Variants in CDK14 observed in about 807,000 individuals in gnomAD.
CDK14 encodes the protein cyclin-dependent kinase 14.
CDK14 carries 34 observed loss-of-function variants against 60.7 expected under a neutral mutation model. That is an observed-to-expected ratio of 0.56 (90% CI 0.43 to 0.75). CDK14 has a LOEUF of 0.75. CDK14 is among the 30% of genes least tolerant of loss of function. The probability of loss-of-function intolerance (pLI) is 0.00; values close to 1 mark genes in which losing one functional copy is unlikely to be tolerated. For synonymous variants in CDK14, 197 were observed against 203.7 expected, an observed-to-expected ratio of 0.97 and a Z score of 0.28; for missense variants, 482 against 564.1, an observed-to-expected ratio of 0.85 and a Z score of 1.47.
chr7:91,008,158 A>AAAAAAAAAAAAAG (rs1796045745), intron 10 of CDK14, among the ~76,000 whole-genome samples: 1 of 150,662 alleles, frequency 6.6e-6, no homozygotes, highest in African/African-American at 2.4e-5. Flanking sequence ...AACAAAAAAA[A>AAAAAAAAAAAAAG]ACAGTGGATG....
At position 90,959,821 on chromosome 7, in the gene CDK14, A is replaced by C. The variant is rs10242975; in HGVS notation, c.947+4004A>C. 4.5e-3 allele frequency among the ~76,000 whole-genome samples: 683 copies of C among 152,308 alleles called. 3 individuals carry two copies. Among genetic ancestry groups the C allele is most frequent in the African/African-American group, 0.016 (651 of 41,592 alleles). On this transcript the variant is annotated intron_variant, in intron 9 of 14. Transcript: ENST00000380050. Reference sequence around the variant, plus strand: ...ACAACCCTGTGTGATTTGGGAACTCATCAAGATAGATAGTTTTTGATACTT... The same window carrying C: ...ACAACCCTGTGTGATTTGGGAACTCCTCAAGATAGATAGTTTTTGATACTT...
At chr7:90,872,972 A>G (rs1791422840) in intron 6 of CDK14, among the ~76,000 whole-genome samples, 1 of 152,190 alleles carries the variant, frequency 6.6e-6, no homozygotes, top group Non-Finnish European at 1.5e-5. Flanking sequence ...AATGGTAGAG[A>G]AATCACAGAA....
intron 3 of CDK14, among the ~76,000 whole-genome samples, chr7:90,737,534 C>T (rs575434132): frequency 6.6e-6 from 1 of 152,234 alleles, no homozygotes; most frequent in African/African-American, 2.4e-5. Flanking sequence ...CAGATTAGAA[C>T]CAAGCCCCCT....
intron 4 of CDK14, among the ~76,000 whole-genome samples, chr7:90,761,369 A>G (rs1246731645): frequency 6.6e-6 from 1 of 151,736 alleles, no homozygotes; most frequent in African/African-American, 2.4e-5. Context: ...GAAATGTTCA[A>G]TTACTGAAAT....
chr7:91,019,132 T>C (rs1584236952), intron 10 of CDK14, among the ~76,000 whole-genome samples: 1 of 152,312 alleles, frequency 6.6e-6, no homozygotes, highest in South Asian at 2.1e-4. Flanking sequence ...AGACAGAGCC[T>C]GGCATATAGT....
intron 6 of CDK14, among the ~76,000 whole-genome samples, chr7:90,881,873 A>C (rs1791766172): frequency 6.6e-6 from 1 of 152,188 alleles, no homozygotes; most frequent in Non-Finnish European, 1.5e-5. Context: ...AATCCTTTCC[A>C]GACAAGCAAA....
At chr7:91,046,970 A>G (rs1039239270) in intron 11 of CDK14, among the ~76,000 whole-genome samples, 2 of 152,176 alleles carry the variant, frequency 1.3e-5, no homozygotes, top group African/African-American at 2.4e-5. Context: ...CAGTGTGTTC[A>G]GAATTCTTTT....
intron 9 of CDK14, among the ~76,000 whole-genome samples, chr7:90,964,458 C>T (rs1263163134): frequency 6.6e-6 from 1 of 152,096 alleles, no homozygotes; most frequent in Non-Finnish European, 1.5e-5. Flanking sequence ...CTTCAGTTTC[C>T]GAACCAGAAA....
At chr7:90,806,664 C>T (rs890671837) in intron 5 of CDK14, among the ~76,000 whole-genome samples, 1 of 152,174 alleles carries the variant, frequency 6.6e-6, no homozygotes, top group African/African-American at 2.4e-5. Context: ...CAAATCAGGG[C>T]GAGGCATCGC....
At chr7:91,176,946 C>G (rs1288470755) in intron 14 of CDK14, among the ~76,000 whole-genome samples, 2 of 152,112 alleles carry the variant, frequency 1.3e-5, no homozygotes, top group African/African-American at 4.8e-5. Context: ...GGAATCCTCC[C>G]TAACTCATTT....
chr7:91,057,532 G>A (rs901548004), intron 11 of CDK14, among the ~76,000 whole-genome samples: 2 of 152,132 alleles, frequency 1.3e-5, no homozygotes, highest in Non-Finnish European at 2.9e-5. Flanking sequence ...GGTTTTTATG[G>A]TTTTAGGTCT....
intron 3 of CDK14, among the ~76,000 whole-genome samples, chr7:90,738,574 T>G (rs974535606): frequency 1.3e-5 from 2 of 152,230 alleles, no homozygotes; most frequent in African/African-American, 4.8e-5. Flanking sequence ...TAACATCATC[T>G]CATTAAATTT....
chr7:91,142,287 GAGT>G (rs1202668602), intron 14 of CDK14, among the ~76,000 whole-genome samples: 1 of 152,196 alleles, frequency 6.6e-6, no homozygotes, highest in African/African-American at 2.4e-5. Context: ...CAGTAGGGCT[GAGT>G]AGTGGCTGCC....
At chr7:90,767,754 A>T (rs1326547740) in intron 4 of CDK14, among the ~76,000 whole-genome samples, 1 of 152,224 alleles carries the variant, frequency 6.6e-6, no homozygotes, top group Non-Finnish European at 1.5e-5. Context: ...AGGAACTAAT[A>T]TTATAGTAAG....
At chr7:91,112,819 A>G (rs1438284373) in intron 13 of CDK14, 138 bp downstream of exon 13, 8 of 861,888 alleles carry the variant, frequency 9.3e-6, no homozygotes, top group African/African-American at 3.5e-5. Context: ...TATGTGCATT[A>G]CAGGTGTGTG....
chr7:91,083,890 C>G (rs1001106724), intron 12 of CDK14, among the ~76,000 whole-genome samples: 2 of 152,192 alleles, frequency 1.3e-5, no homozygotes, highest in African/African-American at 4.8e-5. Context: ...GCCCTGATCA[C>G]TAGCAGTGGC....
intron 2 of CDK14, among the ~76,000 whole-genome samples, chr7:90,609,887 T>C (rs1287398529): frequency 1.3e-5 from 2 of 152,238 alleles, no homozygotes; most frequent in Non-Finnish European, 2.9e-5. Flanking sequence ...AGTGTCCATA[T>C]GGATGATGTA....
At chr7:91,141,777 G>T (rs1241116142) in intron 14 of CDK14, among the ~76,000 whole-genome samples, 1 of 151,532 alleles carries the variant, frequency 6.6e-6, no homozygotes, top group Non-Finnish European at 1.5e-5. Context: ...CGTATACCTA[G>T]GATTTGCCTA....
At chr7:90,739,558 T>C (rs535745864) in intron 3 of CDK14, among the ~76,000 whole-genome samples, 47 of 152,330 alleles carry the variant, frequency 3.1e-4, no homozygotes, top group African/African-American at 8.4e-4. Flanking sequence ...TAGAAAATTA[T>C]TTGTGCCTTT....
Sources: gnomAD v4.1 joint callset for allele counts (sites outside exome capture counted in the v4.1 genomes callset) on GRCh38, gnomAD v4.1.1 for gene constraint, MANE v1.5 for transcripts, NCBI Gene and HGNC (gene_info 2026-07-23, HGNC 2026-07-21) for gene names.